Variants in HDAC4 observed in about 807,000 individuals in gnomAD.
The protein encoded by HDAC4 is histone deacetylase A.
Under a neutral mutation model 135.1 loss-of-function variants are expected in HDAC4, and 16 were observed. That is an observed-to-expected ratio of 0.12 (90% CI 0.08 to 0.18). HDAC4 has a LOEUF of 0.18. Among genes scored for constraint, HDAC4 ranks in the 10% least tolerant of loss-of-function variants. The probability of loss-of-function intolerance (pLI) is 1.00; values close to 1 mark genes in which losing one functional copy is unlikely to be tolerated. For synonymous variants in HDAC4, 685 were observed against 653.4 expected (o/e 1.05, Z -0.74); for missense variants, 1,143 against 1,511.8 (o/e 0.76, Z 4.05).
intron 3 of HDAC4, among the ~76,000 whole-genome samples, chr2:239,235,271 G>C (rs1023408216): frequency 7.9e-5 from 12 of 151,746 alleles, no homozygotes; most frequent in African/African-American, 2.7e-4. Flanking sequence ...GACACCTCCA[G>C]AACTCCGGGT....
intron 11 of HDAC4, among the ~76,000 whole-genome samples, chr2:239,129,978 C>A (rs1317725916): frequency 6.6e-6 from 1 of 152,196 alleles, no homozygotes; most frequent in Non-Finnish European, 1.5e-5. Flanking sequence ...AGCGGGTCTG[C>A]ACACACTGGG....
At chr2:239,098,525 GC>G (rs1373353482) in intron 16 of HDAC4, among the ~76,000 whole-genome samples, 1 of 152,244 alleles carries the variant, frequency 6.6e-6, no homozygotes, top group Non-Finnish European at 1.5e-5. Flanking sequence ...GCAGCACCCT[GC>G]CAGCTGACAT....
At position 239,299,965 on chromosome 2, in the gene HDAC4, AGT is replaced by A. The variant is rs2052154272; in HGVS notation, c.22+52711_22+52712del. Among the ~76,000 whole-genome samples, 1 of 152,220 alleles carries A rather than the reference AGT, an allele frequency of 6.6e-6. No homozygotes were observed. Among genetic ancestry groups the A allele is most frequent in the African/African-American group, 2.4e-5 (1 of 41,448 alleles). On this transcript the variant is annotated intron_variant, in intron 2 of 26. Transcript: ENST00000543185. The surrounding 1 kb of genome is among the most constrained non-coding windows in gnomAD (Gnocchi z 4.0). The stretch of plus-strand genomic sequence containing the variant: ...GGGGTCCCATCAGAGGACTCCCTGC[AGT>A]GCTCCATGAATTTCTCCCGAATTCC...
chr2:239,082,056 C>T (rs1261067822), intron 21 of HDAC4, 46 bp downstream of exon 21: 22 of 1,609,396 alleles, frequency 1.4e-5, no homozygotes, highest in Non-Finnish European at 1.8e-5. Context: ...CAGCGGCTCC[C>T]CGCAGTCCCC....
At chr2:239,158,388 T>G (rs1559529534) in intron 6 of HDAC4, among the ~76,000 whole-genome samples, 1 of 152,172 alleles carries the variant, frequency 6.6e-6, no homozygotes, top group Non-Finnish European at 1.5e-5. Context: ...AATAATAAAT[T>G]TAAATAAATG....
At chr2:239,126,340 C>T in intron 12 of HDAC4, 116 bp downstream of exon 12, 2 of 1,565,032 alleles carry the variant, frequency 1.3e-6, no homozygotes, top group Non-Finnish European at 1.7e-6. Context: ...TCGGTTCCCT[C>T]TTTCTGCCTC....
At chr2:239,120,420 CAGACAG>C (rs894271455) in intron 12 of HDAC4, among the ~76,000 whole-genome samples, 1 of 133,292 alleles carries the variant, frequency 7.5e-6, no homozygotes, top group Non-Finnish European at 1.7e-5. Flanking sequence ...CACACAGACA[CAGACAG>C]ATGCACAAAT....
chr2:239,298,703 C>T, intron 2 of HDAC4: 3 of 770,448 alleles, frequency 3.9e-6, no homozygotes, highest in Non-Finnish European at 4.7e-6. Context: ...AATCATGACA[C>T]TCCACCTACA....
At chr2:239,382,039 C>T (rs1028774574) in intron 1 of HDAC4, among the ~76,000 whole-genome samples, 11 of 152,218 alleles carry the variant, frequency 7.2e-5, no homozygotes, top group Admixed American at 2.6e-4. Flanking sequence ...AGATCACATA[C>T]GGCTCCCTAG....
chr2:239,351,041 C>T (rs1693117116), intron 2 of HDAC4, among the ~76,000 whole-genome samples: 1 of 152,128 alleles, frequency 6.6e-6, no homozygotes, highest in Non-Finnish European at 1.5e-5. Context: ...GCTGGTACAG[C>T]ACAAATGAAA....
intron 3 of HDAC4, among the ~76,000 whole-genome samples, chr2:239,222,064 A>C (rs2046987139): frequency 6.6e-6 from 1 of 152,222 alleles, no homozygotes; most frequent in Non-Finnish European, 1.5e-5. Flanking sequence ...AGGGGCTCCA[A>C]AGACCCTTCC....
intron 2 of HDAC4, among the ~76,000 whole-genome samples, chr2:239,310,034 G>A (rs571175950): frequency 6.6e-6 from 1 of 152,322 alleles, no homozygotes; most frequent in African/African-American, 2.4e-5. Flanking sequence ...TCCACAGCAG[G>A]GTTAGCCGTC....
Position 239,126,583 on chromosome 2 carries a change from C to T in HDAC4, c.1406G>A (p.Arg469Gln), listed in dbSNP as rs1194188460. The T allele has an allele frequency of 4.3e-6, 7 of 1,613,782 alleles. No individual in the cohort carries two copies. The highest frequency in any genetic ancestry group is 5.1e-6 in the Non-Finnish European group (6 of 1,179,994). The change falls in exon 12 of 27, where the codon CGG becomes CAG. Residue 469 changes from arginine (R) to glutamine (Q), a missense_variant. Arg to Gln is a conservative substitution (Grantham distance 43). Coordinates refer to ENST00000543185, the MANE Select transcript of HDAC4 (RefSeq NM_001378414.1). Reference protein sequence around the residue: ...HKLRQHRPLGRTQSAPLPQNA... With the variant: ...HKLRQHRPLGQTQSAPLPQNA... ...CTGGGGCAGCGGGGCCGACTGGGTC[C>T]GCCCCAGTGGGCGGTGCTGCCGCAG...
intron 2 of HDAC4, among the ~76,000 whole-genome samples, chr2:239,238,422 C>A (rs911973280): frequency 6.6e-6 from 1 of 151,434 alleles, no homozygotes; most frequent in African/African-American, 2.4e-5. Flanking sequence ...GGGAAGGGGT[C>A]AAGAGGAGGG....
rs185890293 is a variant in HDAC4, at chr2:239,086,602, C to T, written c.2444+957G>A. ...AACACGCGGATCTGACTATCTCTCACGTCCTGCCGGCCCCTCCGTGGACGC... is the reference window on the plus strand; with the variant it reads ...AACACGCGGATCTGACTATCTCTCATGTCCTGCCGGCCCCTCCGTGGACGC... On this transcript the variant is annotated intron_variant, in intron 19 of 26. Coordinates refer to ENST00000543185, the MANE Select transcript of HDAC4 (RefSeq NM_001378414.1). Among the ~76,000 whole-genome samples the T allele has an allele frequency of 1.1e-4, 16 of 152,370 alleles. No homozygotes were observed. In the East Asian group the frequency reaches 2.3e-3, roughly 22 times the overall value.
At chr2:239,215,776 G>A (rs564180331) in intron 3 of HDAC4, among the ~76,000 whole-genome samples, 26 of 152,260 alleles carry the variant, frequency 1.7e-4, no homozygotes, top group Admixed American at 1.4e-3. Context: ...CCTCTGCACC[G>A]GGCTCCCTGG....
intron 11 of HDAC4, among the ~76,000 whole-genome samples, chr2:239,128,873 T>TA (rs1480915167): frequency 6.6e-6 from 1 of 152,154 alleles, no homozygotes; most frequent in Non-Finnish European, 1.5e-5. Context: ...TGACACACGG[T>TA]AAGGAACAAG....
intron 15 of HDAC4, 145 bp downstream of exon 15, chr2:239,107,905 G>A (rs2038301597): frequency 9.9e-7 from 1 of 1,008,294 alleles, no homozygotes; most frequent in East Asian, 2.6e-5. Flanking sequence ...AATGCAGACA[G>A]TGAAGATGCT....
chr2:239,394,529 C>A (rs1381745618), intron 1 of HDAC4, among the ~76,000 whole-genome samples: 1 of 152,252 alleles, frequency 6.6e-6, no homozygotes, highest in African/African-American at 2.4e-5. Flanking sequence ...TGCCACTCGA[C>A]AGCTGTGTTG....
Sources: allele counts gnomAD v4.1 joint callset (sites outside exome capture counted in the v4.1 genomes callset), GRCh38; gene constraint gnomAD v4.1.1; non-coding constraint Gnocchi (gnomAD v3.1); transcripts MANE v1.5; gene names NCBI Gene and HGNC (gene_info 2026-07-23, HGNC 2026-07-21).